KHDC1: variants seen among roughly 807,000 people sequenced by gnomAD.
KHDC1 encodes the protein KH homology domain-containing protein 1.
KHDC1 carries 21 observed loss-of-function variants against 24.7 expected under a neutral mutation model. The ratio of observed to expected loss-of-function variants is 0.85; its 90% CI spans 0.60 to 1.23. The LOEUF is 1.23. KHDC1 is among the 50% of genes most tolerant of loss of function. The probability of loss-of-function intolerance (pLI) is 0.00; values close to 1 mark genes in which losing one functional copy is unlikely to be tolerated. For synonymous variants in KHDC1, 98 were observed against 111.7 expected (o/e 0.88, Z 0.77); for missense variants, 274 against 298.5 (o/e 0.92, Z 0.61).
intron 2 of KHDC1, among the ~76,000 whole-genome samples, chr6:73,264,582 T>C (rs1767048970): frequency 6.6e-6 from 1 of 152,188 alleles, no homozygotes; most frequent in Non-Finnish European, 1.5e-5. Context: ...GCAGTGCCAG[T>C]GCGCAACCAG....
intron 2 of KHDC1, among the ~76,000 whole-genome samples, chr6:73,266,797 C>A (rs1767083433): frequency 6.6e-6 from 1 of 152,000 alleles, no homozygotes; most frequent in Non-Finnish European, 1.5e-5. Flanking sequence ...CATCAAGGAA[C>A]ATGAAGAAGA....
intron 2 of KHDC1, chr6:73,290,497 G>A (rs538060442): frequency 2.7e-6 from 1 of 366,368 alleles, no homozygotes; most frequent in South Asian, 2.3e-5. Flanking sequence ...TGAAGGTGAT[G>A]GCATCTATAT....
chr6:73,298,768 C>T lies in KHDC1; in HGVS notation c.164-6728G>A, dbSNP rs1310370016. Among the ~76,000 whole-genome samples, 6 of 148,208 alleles carry T rather than the reference C, an allele frequency of 4.0e-5. No individual in the cohort carries two copies. In the East Asian group the frequency reaches 1.0e-3, roughly 25 times the overall value. ...TAAGATGTTATTAGAGACAGGATTC[C>T]GCTCTGTCACCCAGTCTGGAATGCA... On this transcript the variant is annotated intron_variant, in intron 1 of 4. Coordinates refer to ENST00000370384, the Ensembl canonical transcript of KHDC1.
chr6:73,242,009 ACTC>A (rs750643533), intron 4 of KHDC1, 43 bp downstream of exon 3: 2 of 1,564,800 alleles, frequency 1.3e-6, no homozygotes, highest in Non-Finnish European at 1.7e-6. Context: ...CTTAGCCAGA[ACTC>A]CACCACCAAG....
chr6:73,243,158 T>C (rs1416345856), intron 2 of KHDC1, among the ~76,000 whole-genome samples: 2 of 151,540 alleles, frequency 1.3e-5, no homozygotes, highest in Non-Finnish European at 1.5e-5. Flanking sequence ...GAGATTAATG[T>C]GGTCTTCATT....
chr6:73,296,370 T>G (rs1256582020), intron 1 of KHDC1, among the ~76,000 whole-genome samples: 2 of 151,386 alleles, frequency 1.3e-5, no homozygotes, highest in Non-Finnish European at 2.9e-5. Context: ...GGAGAATCAC[T>G]TGAACCCAGG....
intron 2 of KHDC1, among the ~76,000 whole-genome samples, chr6:73,253,326 G>C (rs954355017): frequency 6.7e-6 from 1 of 150,368 alleles, no homozygotes; most frequent in Non-Finnish European, 1.5e-5. Flanking sequence ...GAGGCCGAGG[G>C]GGGTGGATCA....
At chr6:73,244,583 T>C (rs1266269137) in intron 2 of KHDC1, among the ~76,000 whole-genome samples, 6 of 151,712 alleles carry the variant, frequency 4.0e-5, no homozygotes, top group Non-Finnish European at 7.4e-5. Flanking sequence ...AGGTAGAGGA[T>C]AAAAACTGCA....
Position 73,292,080 on chromosome 6 carries a change from G to A in KHDC1, c.164-40C>T, listed in dbSNP as rs1368804433. 3.7e-6 allele frequency: 6 copies of A among 1,613,002 alleles called. 1 individual carries two copies. In the South Asian group the frequency reaches 5.5e-5, roughly 15 times the overall value. On this transcript the variant is annotated intron_variant, in intron 1 of 4. Coordinates refer to ENST00000370384, the Ensembl canonical transcript of KHDC1. ...TATAAAGAAAAGGAATTATTACAAGGTAAATTGGACCTTCTTAGTGATGCC... is the reference window on the plus strand; with the variant it reads ...TATAAAGAAAAGGAATTATTACAAGATAAATTGGACCTTCTTAGTGATGCC...
intron 2 of KHDC1, among the ~76,000 whole-genome samples, chr6:73,256,904 A>C (rs1766888494): frequency 1.3e-5 from 2 of 152,206 alleles, no homozygotes; most frequent in Middle Eastern, 3.2e-3. Context: ...GCTTTAAGTA[A>C]GTTATCTAGA....
intron 2 of KHDC1, 153 bp from the exon 2 acceptor site, chr6:73,242,683 A>G: frequency 1.2e-6 from 1 of 818,368 alleles, no homozygotes; most frequent in African/African-American, 1.7e-5. Context: ...TCTCTTCCCA[A>G]GATAATTCAT....
At chr6:73,283,172 A>C (rs1264585193) in intron 2 of KHDC1, among the ~76,000 whole-genome samples, 2 of 152,212 alleles carry the variant, frequency 1.3e-5, no homozygotes, top group Non-Finnish European at 2.9e-5. Context: ...CATTACGTAT[A>C]GCTCACATTT....
At chr6:73,282,923 C>G (rs1562255568) in intron 2 of KHDC1, among the ~76,000 whole-genome samples, 1 of 152,210 alleles carries the variant, frequency 6.6e-6, no homozygotes, top group East Asian at 1.9e-4. Context: ...TCCTGCACAG[C>G]CTGTTCTACG....
chr6:73,292,777 TA>T, intron 1 of KHDC1: 1 of 719,870 alleles, frequency 1.4e-6, no homozygotes, highest in African/African-American at 1.7e-5. Context: ...AAGATCTAGG[TA>T]AAGTTACTCA....
At chr6:73,288,150 G>A (rs1303876075) in intron 2 of KHDC1, among the ~76,000 whole-genome samples, 2 of 152,232 alleles carry the variant, frequency 1.3e-5, no homozygotes, top group Admixed American at 6.5e-5. Flanking sequence ...AGATGGATCC[G>A]AGAAGACGGC....
chr6:73,308,792 G>A lies in KHDC1; in HGVS notation c.163+760C>T, dbSNP rs143282747. On this transcript the variant is annotated intron_variant, in intron 1 of 4. Coordinates refer to ENST00000370384, the Ensembl canonical transcript of KHDC1. ...TTGCAGGTGTCAGCCACCGCACCCG[G>A]TAGAGTTTTTTGCTGTTGTTTTTTG... Among the ~76,000 whole-genome samples the A allele has an allele frequency of 2.6e-3, 393 of 152,222 alleles. 3 individuals carry two copies. Among genetic ancestry groups the A allele is most frequent in the African/African-American group, 9.1e-3 (377 of 41,544 alleles).
chr6:73,292,693 TC>T, intron 1 of KHDC1: 1 of 751,064 alleles, frequency 1.3e-6, no homozygotes. Flanking sequence ...TCTTAATGTG[TC>T]CACACATTCT....
chr6:73,253,034 G>C (rs897744217), intron 2 of KHDC1, among the ~76,000 whole-genome samples: 1 of 151,978 alleles, frequency 6.6e-6, no homozygotes, highest in African/African-American at 2.4e-5. Context: ...CAAAACACAG[G>C]CATGAAAAAG....
At chr6:73,304,755 G>C (rs1421427047) in intron 1 of KHDC1, among the ~76,000 whole-genome samples, 1 of 152,208 alleles carries the variant, frequency 6.6e-6, no homozygotes, top group Admixed American at 6.5e-5. Context: ...AGGTTTCACA[G>C]AACTGGACTG....
Sources: allele counts gnomAD v4.1 joint callset (sites outside exome capture counted in the v4.1 genomes callset), GRCh38; gene constraint gnomAD v4.1.1; transcripts MANE v1.5; gene names NCBI Gene and HGNC (gene_info 2026-07-23, HGNC 2026-07-21).